FSHR: variants seen among roughly 807,000 people sequenced by gnomAD.
The protein encoded by FSHR is follicle-stimulating hormone receptor.
FSHR carries 46 observed loss-of-function variants against 52.1 expected under a neutral mutation model. That is an observed-to-expected ratio of 0.88 (90% CI 0.70 to 1.13). The LOEUF is 1.13. Ranked by LOEUF, FSHR falls within the 50% of genes most tolerant of loss-of-function variation. FSHR has a pLI of 0.00. For synonymous variants in FSHR, 399 were observed against 309.6 expected (o/e 1.29, Z -3.03); for missense variants, 964 against 834.6 (o/e 1.16, Z -1.91).
At chr2:48,993,600 T>C (rs866808617) in intron 4 of FSHR, among the ~76,000 whole-genome samples, 3 of 152,220 alleles carry the variant, frequency 2.0e-5, no homozygotes, top group South Asian at 2.1e-4. Flanking sequence ...TTTTCAAAAA[T>C]GTAAATCAGA....
At chr2:49,053,055 T>C (rs532942182) in intron 2 of FSHR, among the ~76,000 whole-genome samples, 7 of 152,232 alleles carry the variant, frequency 4.6e-5, no homozygotes, top group African/African-American at 1.4e-4. Context: ...CCCAGTGATC[T>C]GGGGGTGGAG....
At position 48,962,676 on chromosome 2, in the gene FSHR, C is replaced by T; in HGVS notation, c.*57G>A. On this transcript the variant is annotated 3_prime_UTR_variant, in exon 10 of 10. Coordinates refer to ENST00000406846, the MANE Select transcript of FSHR (RefSeq NM_000145.4). ...CACTGTCAGCTCTTTGTGACATACC[C>T]TTCAAAGGCAAGACTGAATTATCAT... 2 of 1,548,848 alleles carry T rather than the reference C, an allele frequency of 1.3e-6. No individual in the cohort carries two copies. Among genetic ancestry groups the T allele is most frequent in the Non-Finnish European group, 1.8e-6 (2 of 1,122,004 alleles).
chr2:48,995,218 T>G (rs1675972025), intron 4 of FSHR, among the ~76,000 whole-genome samples: 1 of 152,128 alleles, frequency 6.6e-6, no homozygotes, highest in African/African-American at 2.4e-5. Context: ...GCAGACACAG[T>G]GTGCCGGTTT....
At chr2:49,059,033 C>T (rs1012241006) in intron 2 of FSHR, among the ~76,000 whole-genome samples, 8 of 151,930 alleles carry the variant, frequency 5.3e-5, no homozygotes, top group African/African-American at 2.4e-5. Flanking sequence ...ACATAATCCC[C>T]ATCTATGCAA....
At chr2:49,109,438 A>G (rs989836297) in intron 1 of FSHR, among the ~76,000 whole-genome samples, 1 of 152,208 alleles carries the variant, frequency 6.6e-6, no homozygotes, top group African/African-American at 2.4e-5. Flanking sequence ...GCTCTTTCAT[A>G]CAGATAATTC....
At chr2:49,138,106 C>G (rs1672550251) in intron 1 of FSHR, among the ~76,000 whole-genome samples, 1 of 151,866 alleles carries the variant, frequency 6.6e-6, no homozygotes, top group South Asian at 2.1e-4. Flanking sequence ...GTCCAATAAG[C>G]CCATGAAAGA....
Position 48,962,752 on chromosome 2 carries a change from C to T in FSHR, c.2069G>A (p.Ser690Asn), listed in dbSNP as rs918822982. 6.2e-7 allele frequency: 1 copy of T among 1,613,938 alleles called. No homozygotes were observed. The highest frequency in any genetic ancestry group is 2.2e-5 in the East Asian group (1 of 44,884). ...SGSTYILVPLSHLAQN is the reference protein window; with the variant it reads ...SGSTYILVPLNHLAQN ...TGTGTTTTAGTTTTGGGCTAAATGA[C>T]TTAGAGGGACAAGTATGTAAGTGGA... The change falls in exon 10 of 10, where the codon AGT becomes AAT. Residue 690 changes from serine to asparagine, a missense_variant. Physicochemically the swap from Ser to Asn is conservative, Grantham distance 46 (BLOSUM62 1). Transcript: ENST00000406846.
At chr2:49,025,063 A>C (rs1667872073) in intron 2 of FSHR, among the ~76,000 whole-genome samples, 1 of 152,224 alleles carries the variant, frequency 6.6e-6, no homozygotes, top group South Asian at 2.1e-4. Flanking sequence ...AAGATTATAA[A>C]AGATTTTCCA....
chr2:49,091,200 T>C (rs1294796222), intron 1 of FSHR, among the ~76,000 whole-genome samples: 1 of 152,150 alleles, frequency 6.6e-6, no homozygotes, highest in African/African-American at 2.4e-5. Context: ...ATCATGGAGA[T>C]TTTCTCTAGT....
intron 1 of FSHR, among the ~76,000 whole-genome samples, chr2:49,106,997 A>G (rs1671246087): frequency 1.3e-5 from 2 of 152,168 alleles, no homozygotes; most frequent in African/African-American, 4.8e-5. Flanking sequence ...CATTATTGTA[A>G]TTTGTTTTCT....
chr2:48,991,009 C>T (rs967565039), intron 4 of FSHR, among the ~76,000 whole-genome samples: 3 of 152,156 alleles, frequency 2.0e-5, no homozygotes, highest in Non-Finnish European at 2.9e-5. Context: ...AAACTCCTTT[C>T]TCCACTCCAA....
chr2:48,985,563 TA>T (rs1469662023), intron 6 of FSHR, among the ~76,000 whole-genome samples: 1 of 152,228 alleles, frequency 6.6e-6, no homozygotes, highest in Non-Finnish European at 1.5e-5. Context: ...AGTGGGTTTT[TA>T]TTGCTCACTT....
chr2:49,081,096 C>T (rs1382127737), intron 1 of FSHR, among the ~76,000 whole-genome samples: 2 of 152,096 alleles, frequency 1.3e-5, no homozygotes, highest in African/African-American at 4.8e-5. Context: ...TCTTTGTGTT[C>T]CTCCTCCTGC....
intron 1 of FSHR, among the ~76,000 whole-genome samples, chr2:49,136,278 A>T (rs1347476891): frequency 1.3e-5 from 2 of 152,112 alleles, no homozygotes; most frequent in Non-Finnish European, 2.9e-5. Context: ...AAATTTGGAA[A>T]ATCACTGGAA....
chr2:49,095,799 G>T (rs1012193139), intron 1 of FSHR, among the ~76,000 whole-genome samples: 5 of 152,082 alleles, frequency 3.3e-5, no homozygotes, highest in African/African-American at 1.2e-4. Flanking sequence ...TTTAAAATGG[G>T]TGAAGATTTG....
chr2:49,027,182 A>G (rs2104243618), intron 2 of FSHR, among the ~76,000 whole-genome samples: 1 of 151,872 alleles, frequency 6.6e-6, no homozygotes, highest in African/African-American at 2.4e-5. Context: ...TCTCTCAATT[A>G]CTCTCTTCTG....
At chr2:48,977,840 C>T (rs936656756) in intron 8 of FSHR, among the ~76,000 whole-genome samples, 2 of 152,120 alleles carry the variant, frequency 1.3e-5, no homozygotes, top group Non-Finnish European at 1.5e-5. Context: ...TTTATTCCTG[C>T]CCTTGTGCCT....
chr2:48,983,384 A>T (rs1272363153), intron 6 of FSHR, among the ~76,000 whole-genome samples: 1 of 152,214 alleles, frequency 6.6e-6, no homozygotes, highest in African/African-American at 2.4e-5. Flanking sequence ...TGTATTACCT[A>T]TTCAAAGGAT....
chr2:49,085,691 A>G (rs944668224), intron 1 of FSHR, among the ~76,000 whole-genome samples: 11 of 152,296 alleles, frequency 7.2e-5, no homozygotes, highest in Admixed American at 6.5e-4. Context: ...ACTATTCACA[A>G]TAGCAAAGAC....
Sources: allele counts gnomAD v4.1 joint callset (sites outside exome capture counted in the v4.1 genomes callset), GRCh38; gene constraint gnomAD v4.1.1; transcripts MANE v1.5; gene names NCBI Gene and HGNC (gene_info 2026-07-23, HGNC 2026-07-21).